Variants in PIK3R1 observed in about 807,000 individuals in gnomAD.
PIK3R1 encodes the protein phosphatidylinositol 3-kinase regulatory subunit alpha.
PIK3R1 carries 29 observed loss-of-function variants against 98.0 expected under a neutral mutation model. The observed-to-expected ratio is 0.30, with a 90% CI of 0.22 to 0.40. The LOEUF is 0.40. Among genes scored for constraint, PIK3R1 ranks in the 10% least tolerant of loss-of-function variants. The pLI is 1.00. For missense variants in PIK3R1, 596 were observed against 872.7 expected, an observed-to-expected ratio of 0.68 and a Z score of 3.99; for synonymous variants, 282 against 311.8, an observed-to-expected ratio of 0.90 and a Z score of 1.01.
intron 7 of PIK3R1, among the ~76,000 whole-genome samples, chr5:68,283,970 A>C (rs1361154856): frequency 1.3e-5 from 2 of 152,224 alleles, no homozygotes; most frequent in African/African-American, 4.8e-5. Flanking sequence ...AAGTCAGGGC[A>C]ATGTTTATAC....
At chr5:68,229,028 G>T (rs1285435872) in intron 2 of PIK3R1, among the ~76,000 whole-genome samples, 2 of 151,714 alleles carry the variant, frequency 1.3e-5, no homozygotes, top group African/African-American at 4.8e-5. Flanking sequence ...AAAATTTTTA[G>T]CAGAATTCAA....
chr5:68,221,084 CCTGTCTTG>C (rs776958808), intron 1 of PIK3R1, among the ~76,000 whole-genome samples: 3 of 152,124 alleles, frequency 2.0e-5, no homozygotes, highest in Non-Finnish European at 4.4e-5. Flanking sequence ...CGAGTTTGGC[CCTGTCTTG>C]CTGTCTTGCC....
intron 2 of PIK3R1, among the ~76,000 whole-genome samples, chr5:68,259,094 A>G (rs1291535727): frequency 6.6e-6 from 1 of 152,230 alleles, no homozygotes; most frequent in Non-Finnish European, 1.5e-5. Flanking sequence ...CATGCTGCTC[A>G]GTGCAGGAGC....
At chr5:68,236,152 C>T (rs1195478016) in intron 2 of PIK3R1, among the ~76,000 whole-genome samples, 1 of 151,274 alleles carries the variant, frequency 6.6e-6, no homozygotes, top group Non-Finnish European at 1.5e-5. Context: ...ATTACCAGCG[C>T]GAGCCACCAC....
intron 2 of PIK3R1, among the ~76,000 whole-genome samples, chr5:68,260,084 G>A (rs868488542): frequency 6.6e-6 from 1 of 152,134 alleles, no homozygotes; most frequent in African/African-American, 2.4e-5. Flanking sequence ...TGTTAAGTAC[G>A]TTGTGTATAT....
chr5:68,221,488 G>C (rs1431073618), intron 1 of PIK3R1, among the ~76,000 whole-genome samples: 1 of 152,164 alleles, frequency 6.6e-6, no homozygotes, highest in African/African-American at 2.4e-5. Context: ...GACCCATTTC[G>C]TGCTGCCATC....
At chr5:68,238,975 C>CA (rs10532256) in intron 2 of PIK3R1, among the ~76,000 whole-genome samples, 1,362 of 125,032 alleles carry the variant, frequency 0.011, 11 homozygotes, top group East Asian at 0.03. Flanking sequence ...CAATAAATGC[C>CA]AAAAAAAAAA....
chr5:68,262,480 ATATCTATAT>A (rs1745806988), intron 2 of PIK3R1, among the ~76,000 whole-genome samples: 1 of 146,068 alleles, frequency 6.8e-6, no homozygotes, highest in Non-Finnish European at 1.5e-5. Flanking sequence ...ATGTACATAT[ATATCTATAT>A]GTATACATAT....
At chr5:68,264,262 AC>A (rs947477306) in intron 2 of PIK3R1, among the ~76,000 whole-genome samples, 27 of 152,102 alleles carry the variant, frequency 1.8e-4, no homozygotes, top group Admixed American at 5.9e-4. Context: ...AAAAAAATGC[AC>A]CTCTTGTCAC....
At chr5:68,222,065 T>C (rs1225756939) in intron 1 of PIK3R1, among the ~76,000 whole-genome samples, 1 of 152,256 alleles carries the variant, frequency 6.6e-6, no homozygotes, top group Admixed American at 6.5e-5. Flanking sequence ...AATATTACAT[T>C]GTAGATAATG....
chr5:68,224,529 G>T (rs1402639784), intron 1 of PIK3R1, among the ~76,000 whole-genome samples: 4 of 152,190 alleles, frequency 2.6e-5, no homozygotes, highest in African/African-American at 7.2e-5. Flanking sequence ...CCCATGTAAA[G>T]TTGAATACTT....
rs1747702722 is a variant in PIK3R1 at position 68,296,181 on chromosome 5, C to T, written c.1825C>T (p.Leu609=). The T allele has an allele frequency of 6.2e-7, 1 of 1,614,012 alleles. No individual in the cohort carries two copies. Among genetic ancestry groups the T allele is most frequent in the Non-Finnish European group, 8.5e-7 (1 of 1,179,950 alleles). ...GNENTEDQYS[L]VEDDEDLPHH... The stretch of plus-strand genomic sequence containing the variant: ...GTCCTGCCTGCCTAGCCAATATTCA[C>T]TGGTGGAAGATGATGAAGATTTGCC... The change falls in exon 15 of 16, where the codon CTG becomes TTG. Residue 609 remains leucine, a synonymous_variant. Transcript: ENST00000521381.
chr5:68,290,353 C>T (rs186561025), intron 7 of PIK3R1, among the ~76,000 whole-genome samples: 18 of 152,302 alleles, frequency 1.2e-4, no homozygotes, highest in Non-Finnish European at 2.1e-4. Flanking sequence ...GGAGCTGCAG[C>T]ATATCAGCTT....
intron 4 of PIK3R1, among the ~76,000 whole-genome samples, chr5:68,278,645 A>G (rs1221356103): frequency 6.6e-6 from 1 of 152,194 alleles, no homozygotes; most frequent in Non-Finnish European, 1.5e-5. Flanking sequence ...TGCGTGGCTT[A>G]AAACGCAGAA....
chr5:68,242,125 TGTG>T (rs1485475256), intron 2 of PIK3R1, among the ~76,000 whole-genome samples: 53 of 152,348 alleles, frequency 3.5e-4, no homozygotes, highest in African/African-American at 1.1e-3. Flanking sequence ...GCAAAAGTGT[TGTG>T]CTATTTGAAT....
rs530795098 is a variant in PIK3R1 at position 68,255,247 on chromosome 5, G to T, written c.335-18143G>T. ...CCTCTCAAAATTTTTGTCAGATAAA[G>T]ATTTTTCCGTGCCATGGATATAAGA... On this transcript the variant is annotated intron_variant, in intron 2 of 15. Coordinates refer to ENST00000521381, the MANE Select transcript of PIK3R1 (RefSeq NM_181523.3). Among the ~76,000 whole-genome samples the T allele has an allele frequency of 1.1e-4, 16 of 152,300 alleles. No individual in the cohort carries two copies. The South Asian group carries it at 3.3e-3, about 32-fold the overall frequency.
rs543994400 is a variant in PIK3R1, at chr5:68,227,108, T to C, written c.334+99T>C. 13 of 1,063,344 alleles carry C rather than the reference T, an allele frequency of 1.2e-5. No homozygotes were observed. The South Asian group carries it at 2.0e-4, about 16-fold the overall frequency. The allele number at this position is 1,063,344 out of a possible 1,614,324, so 65.9% of individuals were successfully genotyped here. A position where few individuals can be genotyped will look rare whatever the true frequency, so the allele number is the denominator to read the frequency against. On this transcript the variant is annotated intron_variant, in intron 2 of 15. Transcript: ENST00000521381. ...GAGTCGTTATGTTCTGGGCAGAAGT[T>C]ACCTTGGCAACTGCACCTGAATTGA... is the stretch of plus-strand genomic sequence containing the variant.
At chr5:68,291,704 G>C (rs1052044435) in intron 7 of PIK3R1, 1 of 152,462 alleles carries the variant, frequency 6.6e-6, no homozygotes, top group African/African-American at 2.4e-5. Flanking sequence ...TTCTTAAAGT[G>C]GCTTTTGGCA....
At chr5:68,274,816 T>C (rs1371964039) in intron 4 of PIK3R1, among the ~76,000 whole-genome samples, 4 of 152,236 alleles carry the variant, frequency 2.6e-5, no homozygotes, top group Non-Finnish European at 5.9e-5. Flanking sequence ...TTCCAGCAAG[T>C]CATCTTCTTA....
Sources: allele counts gnomAD v4.1 joint callset (sites outside exome capture counted in the v4.1 genomes callset), GRCh38; gene constraint gnomAD v4.1.1; transcripts MANE v1.5; gene names NCBI Gene and HGNC (gene_info 2026-07-23, HGNC 2026-07-21).